Variants in NNT observed in about 807,000 individuals in gnomAD.
NNT encodes nicotinamide nucleotide transhydrogenase.
NNT carries 50 observed loss-of-function variants against 104.8 expected under a neutral mutation model. The ratio of observed to expected loss-of-function variants is 0.48; its 90% confidence interval spans 0.38 to 0.60. NNT has a LOEUF of 0.60. Among genes scored for constraint, NNT ranks in the 20% least tolerant of loss-of-function variants. NNT has a pLI of 0.00. For missense variants in NNT, 1,131 were observed against 1,330.7 expected (o/e 0.85, Z 2.33); for synonymous variants, 461 against 490.4 (o/e 0.94, Z 0.79).
intron 10 of NNT, among the ~76,000 whole-genome samples, chr5:43,647,195 A>T (rs1739494865): frequency 6.6e-6 from 1 of 152,224 alleles, no homozygotes; most frequent in African/African-American, 2.4e-5. Context: ...TCTCAGCAAA[A>T]TGACTGAAAA....
intron 2 of NNT, among the ~76,000 whole-genome samples, chr5:43,610,201 CTT>C (rs3054076): frequency 0.47 from 59,588 of 125,840 alleles, 14,206 homozygotes; most frequent in Middle Eastern, 0.6. Context: ...AACTGTCTGT[CTT>C]TTTTTTTTTT....
chr5:43,621,280 C>T (rs768744075), intron 5 of NNT, among the ~76,000 whole-genome samples: 1 of 152,152 alleles, frequency 6.6e-6, no homozygotes, highest in South Asian at 2.1e-4. Context: ...GGCTCATCAG[C>T]AATTGTTGGT....
intron 17 of NNT, among the ~76,000 whole-genome samples, chr5:43,671,543 A>T (rs189038070): frequency 6.4e-4 from 98 of 152,254 alleles, no homozygotes; most frequent in African/African-American, 9.9e-4. Flanking sequence ...TGACTTATGA[A>T]GCTTAGTTTG....
chr5:43,634,362 G>A (rs954986581), intron 7 of NNT, among the ~76,000 whole-genome samples: 1 of 152,110 alleles, frequency 6.6e-6, no homozygotes, highest in Admixed American at 6.5e-5. Flanking sequence ...GAGAGTGATT[G>A]ATACAAGAAT....
chr5:43,620,250 C>T (rs930834166), intron 5 of NNT, among the ~76,000 whole-genome samples: 1 of 151,818 alleles, frequency 6.6e-6, no homozygotes, highest in African/African-American at 2.4e-5. Context: ...GACGGAGTCT[C>T]ACTCTGTCAC....
intron 4 of NNT, among the ~76,000 whole-genome samples, chr5:43,617,293 A>C (rs769780397): frequency 2.0e-5 from 3 of 152,210 alleles, no homozygotes; most frequent in African/African-American, 7.2e-5. Flanking sequence ...ATATTATGAG[A>C]CAATATAAAT....
At chr5:43,628,101 A>G in intron 6 of NNT, 99 bp from the exon 7 acceptor site, 1 of 888,236 alleles carries the variant, frequency 1.1e-6, no homozygotes, top group Non-Finnish European at 1.6e-6. Flanking sequence ...TTTTGAATAT[A>G]TAGTTTGTTG....
chr5:43,626,177 T>C (rs1407172680), intron 6 of NNT, among the ~76,000 whole-genome samples: 3 of 152,210 alleles, frequency 2.0e-5, no homozygotes, highest in Non-Finnish European at 4.4e-5. Flanking sequence ...TGATTGTGTT[T>C]GTACTGAGCT....
At chr5:43,626,620 C>T (rs1750377465) in intron 6 of NNT, among the ~76,000 whole-genome samples, 1 of 151,824 alleles carries the variant, frequency 6.6e-6, no homozygotes, top group Non-Finnish European at 1.5e-5. Flanking sequence ...TCTAATGATG[C>T]ATATTCATTA....
At chr5:43,634,267 T>G (rs1237517547) in intron 7 of NNT, among the ~76,000 whole-genome samples, 2 of 152,196 alleles carry the variant, frequency 1.3e-5, no homozygotes, top group African/African-American at 4.8e-5. Flanking sequence ...TCTGTCTTGT[T>G]AAATTTATCT....
chr5:43,640,308 G>A (rs1272654567), intron 7 of NNT, among the ~76,000 whole-genome samples: 1 of 151,976 alleles, frequency 6.6e-6, no homozygotes, highest in East Asian at 1.9e-4. Flanking sequence ...TGTATTCCAT[G>A]TTTAGTTATG....
intron 5 of NNT, among the ~76,000 whole-genome samples, chr5:43,622,558 T>G (rs536526029): frequency 1.8e-4 from 27 of 152,316 alleles, no homozygotes; most frequent in African/African-American, 6.3e-4. Context: ...CTGAGCCACC[T>G]GCCTGGCCCC....
intron 19 of NNT, among the ~76,000 whole-genome samples, chr5:43,694,957 CTATT>C (rs1742483606): frequency 6.6e-6 from 1 of 152,088 alleles, no homozygotes; most frequent in Non-Finnish European, 1.5e-5. Flanking sequence ...GGTTGGTAGA[CTATT>C]TATTACTGAT....
chr5:43,695,058 T>G (rs1481302277), intron 19 of NNT, among the ~76,000 whole-genome samples: 1 of 152,152 alleles, frequency 6.6e-6, no homozygotes, highest in Non-Finnish European at 1.5e-5. Context: ...TGTGTTCAAT[T>G]CTTTTAGGTT....
At chr5:43,698,271 T>A (rs1742665265) in intron 19 of NNT, among the ~76,000 whole-genome samples, 1 of 152,004 alleles carries the variant, frequency 6.6e-6, no homozygotes, top group African/African-American at 2.4e-5. Context: ...GTTACCACTT[T>A]GATGAGAAAA....
Position 43,649,206 on chromosome 5 carries a change from G to A in NNT, c.1504G>A (p.Val502Met), listed in dbSNP as rs1290661129. The A allele has an allele frequency of 7.4e-6, 12 of 1,614,176 alleles. No homozygotes were observed. The highest frequency in any genetic ancestry group is 1.0e-5 in the Non-Finnish European group (12 of 1,180,034). The change falls in exon 11 of 22, where the codon GTG becomes ATG. Residue 502 changes from valine to methionine, a missense_variant. Physicochemically the swap from Val to Met is conservative, Grantham distance 21 (BLOSUM62 1). Coordinates refer to ENST00000344920, the MANE Select transcript of NNT (RefSeq NM_182977.3). ...AAPNLAFSQM[V>M]TTFGLAGIVG... ...TCCCAATCTAGCCTTTTCTCAGATG[G>A]TGACCACTTTTGGCTTGGCTGGCAT...
Position 43,622,190 on chromosome 5 carries a change from G to T in NNT, c.688-1842G>T, listed in dbSNP as rs112368530. On this transcript the variant is annotated intron_variant, in intron 5 of 21. Coordinates refer to ENST00000344920, the MANE Select transcript of NNT (RefSeq NM_182977.3). ...GGTGAAGGATTTTATCTGGATTAGG[G>T]ATGATCTTTGGGAGTTAAAACCAGT... Among the ~76,000 whole-genome samples, 684 of 152,276 alleles carry T rather than the reference G, an allele frequency of 4.5e-3. 6 individuals are homozygous for T. The highest frequency in any genetic ancestry group is 0.015 in the African/African-American group (609 of 41,568).
intron 6 of NNT, among the ~76,000 whole-genome samples, chr5:43,625,493 T>C (rs1033328450): frequency 5.9e-5 from 9 of 152,130 alleles, no homozygotes; most frequent in African/African-American, 2.2e-4. Context: ...AGTCACTATT[T>C]TGAGATGGGT....
In NNT at chr5:43,645,266, G is replaced by A. The variant is rs545650802; in HGVS notation, c.1291-91G>A. The A allele has an allele frequency of 1.2e-4, 78 of 655,900 alleles. No homozygotes were observed. In the African/African-American group the frequency reaches 1.2e-3, roughly 10 times the overall value. 40.6% of individuals were successfully genotyped at this position (655,900 alleles called of 1,614,324 possible). The stretch of plus-strand genomic sequence containing the variant: ...TATTTACATAAAATTATATTTAAAA[G>A]AACAGGGTTTTAAAAAATAGTATAT... On this transcript the variant is annotated intron_variant, in intron 9 of 21. Transcript: ENST00000344920.
Sources: gnomAD v4.1 joint callset for allele counts (sites outside exome capture counted in the v4.1 genomes callset) on GRCh38, gnomAD v4.1.1 for gene constraint, MANE v1.5 for transcripts, NCBI Gene and HGNC (gene_info 2026-07-23, HGNC 2026-07-21) for gene names.